Variants in DNAI7 observed in about 807,000 individuals in gnomAD.
DNAI7 encodes the protein dynein axonemal intermediate chain 7.
Under a neutral mutation model 86.6 loss-of-function variants are expected in DNAI7, and 78 were observed. The ratio of observed to expected loss-of-function variants is 0.90; its 90% CI spans 0.75 to 1.09. DNAI7 has a LOEUF of 1.09. Among genes scored for constraint, DNAI7 ranks in the 50% least tolerant of loss-of-function variants. The pLI, the probability that DNAI7 is intolerant of heterozygous loss-of-function variation, is 0.00. For missense variants in DNAI7, 753 were observed against 810.2 expected (o/e 0.93, Z 0.86); for synonymous variants, 274 against 273.0 (o/e 1.00, Z -0.04).
intron 9 of DNAI7, among the ~76,000 whole-genome samples, chr12:25,129,840 G>A (rs536249622): frequency 6.6e-6 from 1 of 151,318 alleles, no homozygotes; most frequent in Non-Finnish European, 1.5e-5. Flanking sequence ...TCAGCTCACC[G>A]CAACCTCTGC....
At chr12:25,117,615 G>T (rs984181839) in intron 12 of DNAI7, among the ~76,000 whole-genome samples, 1 of 151,928 alleles carries the variant, frequency 6.6e-6, no homozygotes, top group African/African-American at 2.4e-5. Context: ...TCCAAAAGAG[G>T]TATTTGTTAA....
rs141526959 is a variant in DNAI7 at position 25,174,940 on chromosome 12, A to G, written c.22-13743T>C. Among the ~76,000 whole-genome samples the G allele has an allele frequency of 4.6e-3, 696 of 151,744 alleles. 8 individuals are homozygous for G. Among genetic ancestry groups the G allele is most frequent in the African/African-American group, 0.015 (632 of 41,362 alleles). On this transcript the variant is annotated intron_variant, in intron 2 of 15. Coordinates refer to ENST00000395987, the MANE Select transcript of DNAI7 (RefSeq NM_018272.5). ...GACACAAAGGCATAAGAATGACACA[A>G]TGAACTTTGGGGACTTGTGGGGAAG...
chr12:25,185,976 A>G (rs974670292), intron 2 of DNAI7, among the ~76,000 whole-genome samples: 6 of 152,208 alleles, frequency 3.9e-5, no homozygotes, highest in African/African-American at 1.4e-4. Flanking sequence ...TAATTTGAAC[A>G]TCAAATTTGT....
chr12:25,125,380 GCTT>G (rs1375576501), intron 9 of DNAI7, among the ~76,000 whole-genome samples: 11 of 152,086 alleles, frequency 7.2e-5, no homozygotes, highest in African/African-American at 2.7e-4. Context: ...GCGATATTGG[GCTT>G]CTTTTCATAT....
chr12:25,133,041 G>A (rs914025630), intron 9 of DNAI7, among the ~76,000 whole-genome samples: 14 of 152,184 alleles, frequency 9.2e-5, no homozygotes, highest in East Asian at 5.8e-4. Context: ...TGGTAAGTAC[G>A]AAAGGTCTTC....
At chr12:25,133,119 G>A (rs1037163693) in intron 9 of DNAI7, among the ~76,000 whole-genome samples, 2 of 149,392 alleles carry the variant, frequency 1.3e-5, no homozygotes, top group African/African-American at 2.5e-5. Flanking sequence ...TATAATTTTT[G>A]AATAGTTCAG....
At chr12:25,164,663 A>G (rs558618467) in intron 2 of DNAI7, among the ~76,000 whole-genome samples, 2 of 152,146 alleles carry the variant, frequency 1.3e-5, no homozygotes, top group Admixed American at 6.5e-5. Flanking sequence ...TCTTTTACAC[A>G]TCAGTCCCTC....
intron 6 of DNAI7, among the ~76,000 whole-genome samples, chr12:25,151,494 A>T (rs904857724): frequency 6.6e-6 from 1 of 151,836 alleles, no homozygotes; most frequent in Non-Finnish European, 1.5e-5. Flanking sequence ...TCCTTTTCTC[A>T]TCGTTTTTGC....
chr12:25,164,753 G>A (rs189060410), intron 2 of DNAI7, among the ~76,000 whole-genome samples: 39 of 151,766 alleles, frequency 2.6e-4, no homozygotes, highest in South Asian at 4.2e-4. Context: ...CCAACCCCAC[G>A]CGTCGCTGAG....
intron 2 of DNAI7, among the ~76,000 whole-genome samples, chr12:25,173,700 C>A (rs905422135): frequency 6.6e-6 from 1 of 151,628 alleles, no homozygotes; most frequent in African/African-American, 2.4e-5. Flanking sequence ...TGGAACCAAC[C>A]CAAATGCCCA....
chr12:25,107,682 T>C (rs938826599), downstream of DNAI7: 9 of 762,904 alleles, frequency 1.2e-5, no homozygotes, highest in South Asian at 1.8e-5. Flanking sequence ...ACCAAAATGA[T>C]AAATCATAAT....
intron 9 of DNAI7, among the ~76,000 whole-genome samples, chr12:25,133,019 G>T (rs1462658780): frequency 1.3e-5 from 2 of 152,088 alleles, no homozygotes. Flanking sequence ...CATGCTTTTG[G>T]TTTTGATGCA....
chr12:25,162,268 G>A (rs1244983639), intron 2 of DNAI7, among the ~76,000 whole-genome samples: 1 of 152,182 alleles, frequency 6.6e-6, no homozygotes, highest in Non-Finnish European at 1.5e-5. Context: ...GGAGAGGAAA[G>A]AGGAGAGAGT....
At chr12:25,127,844 T>C (rs1942363942) in intron 9 of DNAI7, among the ~76,000 whole-genome samples, 1 of 152,094 alleles carries the variant, frequency 6.6e-6, no homozygotes, top group Non-Finnish European at 1.5e-5. Flanking sequence ...AAATAGAGAA[T>C]AGGATCCACT....
intron 2 of DNAI7, among the ~76,000 whole-genome samples, chr12:25,180,938 C>A (rs1357162202): frequency 6.6e-6 from 1 of 152,078 alleles, no homozygotes; most frequent in Non-Finnish European, 1.5e-5. Context: ...TCCTGAGTAG[C>A]TGGGATTACA....
rs1372628253 is a variant in DNAI7 at position 25,114,759 on chromosome 12, T to C, written c.1508A>G (p.His503Arg). The change falls in exon 13 of 16, where the codon CAT becomes CGT. Residue 503 changes from histidine to arginine, a missense_variant. By Grantham distance (29) the His-to-Arg change is conservative. Coordinates refer to ENST00000395987, the MANE Select transcript of DNAI7 (RefSeq NM_018272.5). ...CCATGACTGGTACGGCATGTTAATA[T>C]GAGCATCTTGAATCAAGGTAACAGG... ...FGPVTLIQDA[H>R]INMPYQSWEL... The C allele has an allele frequency of 1.2e-6, 2 of 1,614,014 alleles. No individual in the cohort carries two copies. The highest frequency in any genetic ancestry group is 1.7e-6 in the Non-Finnish European group (2 of 1,179,868).
In DNAI7 at chr12:25,112,467, T is replaced by C. The variant is rs538108576; in HGVS notation, c.1612-528A>G. Among the ~76,000 whole-genome samples, 665 of 140,254 alleles carry C rather than the reference T, an allele frequency of 4.7e-3. 7 individuals carry two copies. Among genetic ancestry groups the C allele is most frequent in the Non-Finnish European group, 7.9e-3 (520 of 66,144 alleles). 92.0% of individuals were successfully genotyped at this position (140,254 alleles called of 152,430 possible). A position where few individuals can be genotyped will look rare whatever the true frequency, so the allele number is the denominator to read the frequency against. ...TGTCGCCCAGGCTGGAGTGCAGTGG[T>C]GTGATCTTGGCTCACTGCAAGCTCT... On this transcript the variant is annotated intron_variant, in intron 13 of 15. Transcript: ENST00000395987.
intron 9 of DNAI7, among the ~76,000 whole-genome samples, chr12:25,126,980 C>T (rs1942220944): frequency 1.3e-5 from 2 of 152,280 alleles, no homozygotes; most frequent in Non-Finnish European, 1.5e-5. Context: ...CAGCATGCAA[C>T]AACAGGAATT....
chr12:25,133,572 G>C (rs923756020), intron 9 of DNAI7, among the ~76,000 whole-genome samples: 1 of 152,110 alleles, frequency 6.6e-6, no homozygotes, highest in Non-Finnish European at 1.5e-5. Flanking sequence ...TCCCCCTCCT[G>C]CCCTGGCACA....
Sources: allele counts gnomAD v4.1 joint callset (sites outside exome capture counted in the v4.1 genomes callset), GRCh38; gene constraint gnomAD v4.1.1; transcripts MANE v1.5; gene names NCBI Gene and HGNC (gene_info 2026-07-23, HGNC 2026-07-21).